Variants in VWF observed in about 807,000 individuals in gnomAD.
VWF encodes von Willebrand factor.
In VWF, 176 loss-of-function variants were observed where a neutral mutation model predicts 308.6. The observed-to-expected ratio is 0.57, with a 90% CI of 0.50 to 0.65. The LOEUF (loss-of-function observed/expected upper bound fraction) is 0.65, where lower values mean the gene tolerates loss of function less well. VWF is among the 30% of genes least tolerant of loss of function. The pLI is 0.00. For missense variants in VWF, 3,146 were observed against 3,648.2 expected (o/e 0.86, Z 3.55); for synonymous variants, 1,385 against 1,443.4 (o/e 0.96, Z 0.92).
chr12:6,107,743 C>T (rs1945259329), intron 5 of VWF, among the ~76,000 whole-genome samples: 1 of 152,086 alleles, frequency 6.6e-6, no homozygotes, highest in Non-Finnish European at 1.5e-5. Flanking sequence ...ACTGCAAGCT[C>T]CGCCTCCAAG....
rs781372316 is a variant in VWF at position 5,976,159 on chromosome 12, G to A, written c.7389C>T (p.Leu2463=). The change falls in exon 43 of 52, where the codon CTC becomes CTT. Residue 2463 remains leucine, a synonymous_variant. Coordinates refer to ENST00000261405, the MANE Select transcript of VWF (RefSeq NM_000552.5). ...GCTTCTGGGAGCACTGGGCCACGCG[G>A]AGGCCCATCACGGCATCCTCCATGT... ...CTDMEDAVMG[L]RVAQCSQKPC... 6.2e-7 allele frequency: 1 copy of A among 1,614,104 alleles called. No homozygotes were observed. Among genetic ancestry groups the A allele is most frequent in the African/African-American group, 1.3e-5 (1 of 75,050 alleles).
At chr12:5,960,635 G>A (rs1032043184) in intron 47 of VWF, among the ~76,000 whole-genome samples, 1 of 152,110 alleles carries the variant, frequency 6.6e-6, no homozygotes, top group Non-Finnish European at 1.5e-5. Context: ...AGGATAACAC[G>A]TCATGAAGAA....
At position 6,060,329 on chromosome 12, in the gene VWF, G is replaced by A. The variant is rs372744622; in HGVS notation, c.1534-2285C>T. 6.6e-6 allele frequency among the ~76,000 whole-genome samples: 1 copy of A among 152,080 alleles called. No homozygotes were observed. Among genetic ancestry groups the A allele is most frequent in the Non-Finnish European group, 1.5e-5 (1 of 68,010 alleles). On this transcript the variant is annotated intron_variant, in intron 13 of 51. Coordinates refer to ENST00000261405, the MANE Select transcript of VWF (RefSeq NM_000552.5). This position sits in a 1 kb window ranked among gnomAD's most constrained non-coding sequence, Gnocchi z 5.1. ...TGGCTGGAGCCTTGCTGCCTGGACC[G>A]CCAGCCCCACGGGGACAAAGCGTAC...
At chr12:6,033,174 A>C (rs1277483738) in intron 20 of VWF, among the ~76,000 whole-genome samples, 1 of 152,230 alleles carries the variant, frequency 6.6e-6, no homozygotes, top group Non-Finnish European at 1.5e-5. Context: ...CGAAGGTTAA[A>C]AGAGGAAACA....
Position 5,981,677 on chromosome 12 carries a change from G to A in VWF, c.7287+109C>T, listed in dbSNP as rs577879323. The A allele has an allele frequency of 1.8e-5, 22 of 1,235,300 alleles. No individual in the cohort carries two copies. The Admixed American group carries it at 2.8e-4, about 16-fold the overall frequency. 76.5% of individuals were successfully genotyped at this position (1,235,300 alleles called of 1,614,324 possible). A position where few individuals can be genotyped will look rare whatever the true frequency, so the allele number is the denominator to read the frequency against. On this transcript the variant is annotated intron_variant, in intron 42 of 51. Coordinates refer to ENST00000261405, the MANE Select transcript of VWF (RefSeq NM_000552.5). ...GAGCACATGTTGCTTAGCAAATATT[G>A]GATGGGTAGGTGGATGGATGAATGG...
intron 43 of VWF, among the ~76,000 whole-genome samples, chr12:5,975,493 G>T (rs1294894091): frequency 6.6e-6 from 1 of 152,152 alleles, no homozygotes; most frequent in African/African-American, 2.4e-5. Flanking sequence ...AGCCTCAGGG[G>T]CAGCCACCAC....
At chr12:6,008,490 T>C (rs1943955738) in intron 34 of VWF, among the ~76,000 whole-genome samples, 1 of 152,058 alleles carries the variant, frequency 6.6e-6, no homozygotes, top group Admixed American at 6.5e-5. Flanking sequence ...GATTAAAACA[T>C]TCAACAAACT....
At chr12:6,049,318 A>G (rs1308505680) in intron 16 of VWF, among the ~76,000 whole-genome samples, 1 of 152,212 alleles carries the variant, frequency 6.6e-6, no homozygotes, top group Non-Finnish European at 1.5e-5. Context: ...TGCCTAAAAG[A>G]GAGACAAGGA....
intron 10 of VWF, among the ~76,000 whole-genome samples, chr12:6,066,686 G>A (rs1398458512): frequency 6.6e-6 from 1 of 152,228 alleles, no homozygotes; most frequent in Admixed American, 6.5e-5. Context: ...CATCCTATGT[G>A]GGCCCAGCTC....
At chr12:6,111,625 G>A (rs1381003254) in intron 3 of VWF, among the ~76,000 whole-genome samples, 3 of 152,102 alleles carry the variant, frequency 2.0e-5, no homozygotes, top group Non-Finnish European at 2.9e-5. Context: ...TTACAGGCAT[G>A]AGCCACCCCG....
chr12:6,008,540 T>A (rs1943956595), intron 34 of VWF, among the ~76,000 whole-genome samples: 1 of 152,100 alleles, frequency 6.6e-6, no homozygotes, highest in Non-Finnish European at 1.5e-5. Flanking sequence ...TAAAGGCCAT[T>A]AATGAAAATA....
At chr12:6,015,992 G>A in intron 31 of VWF, 97 bp downstream of exon 31, 1 of 1,514,978 alleles carries the variant, frequency 6.6e-7, no homozygotes, top group Admixed American at 1.8e-5. Context: ...TTTAATATCA[G>A]CCACAACATC....
intron 38 of VWF, among the ~76,000 whole-genome samples, chr12:5,989,256 C>A (rs1256177515): frequency 1.3e-5 from 2 of 152,142 alleles, no homozygotes; most frequent in African/African-American, 4.8e-5. Context: ...TAAACAAGAG[C>A]TATGAAAACT....
At chr12:6,061,143 G>A (rs986020269) in intron 13 of VWF, among the ~76,000 whole-genome samples, 2 of 152,182 alleles carry the variant, frequency 1.3e-5, no homozygotes, top group African/African-American at 4.8e-5. Flanking sequence ...GGAGGTTGTG[G>A]TGAGCCAAGA....
In VWF at chr12:6,121,289, G is replaced by A. The variant is rs1235202905; in HGVS notation, c.105C>T (p.Cys35=). The change falls in exon 3 of 52, where the codon TGC becomes TGT. Residue 35 remains cysteine, a synonymous_variant. Transcript: ENST00000261405. ...GTRGRSSTAR[C]SLFGSDFVNT... is the part of the protein sequence containing the mutation. ...TGACGAAGTCACTTCCGAAAAGGCT[G>A]CATCGGGCCGTGGATGACCTGCCGC... The A allele has an allele frequency of 6.2e-7, 1 of 1,614,244 alleles. No homozygotes were observed. The highest frequency in any genetic ancestry group is 1.7e-5 in the Admixed American group (1 of 60,022).
At chr12:5,976,953 G>T (rs1943540743) in intron 42 of VWF, among the ~76,000 whole-genome samples, 1 of 152,190 alleles carries the variant, frequency 6.6e-6, no homozygotes, top group Non-Finnish European at 1.5e-5. Flanking sequence ...GGGACTTAAT[G>T]ACAGTTTTGA....
intron 5 of VWF, among the ~76,000 whole-genome samples, chr12:6,107,668 A>ATT (rs1197886692): frequency 0.01 from 1,533 of 151,584 alleles, 27 homozygotes; most frequent in African/African-American, 0.035. Context: ...ATATATATAT[A>ATT]TATTTTTTGA....
intron 6 of VWF, among the ~76,000 whole-genome samples, chr12:6,092,626 T>TGAGAGA (rs1242670462): frequency 7.2e-5 from 6 of 83,492 alleles, no homozygotes; most frequent in South Asian, 7.6e-4. Context: ...AGAGTGTGTG[T>TGAGAGA]GTGTGTGTGT....
intron 38 of VWF, among the ~76,000 whole-genome samples, chr12:5,991,165 TCTCACACA>T (rs914834104): frequency 1.2e-4 from 11 of 88,312 alleles, no homozygotes; most frequent in Admixed American, 4.2e-4. Context: ...CCCAAGGGAT[TCTCACACA>T]CACACACACA....
Sources: allele counts gnomAD v4.1 joint callset (sites outside exome capture counted in the v4.1 genomes callset), GRCh38; gene constraint gnomAD v4.1.1; non-coding constraint Gnocchi (gnomAD v3.1); transcripts MANE v1.5; gene names NCBI Gene and HGNC (gene_info 2026-07-23, HGNC 2026-07-21).